The following HERC6 variants were observed in gnomAD, a reference collection of about 807,000 sequenced individuals.
HERC6 encodes the protein probable E3 ubiquitin-protein ligase HERC6.
Under a neutral mutation model 114.5 loss-of-function variants are expected in HERC6, and 101 were observed. The ratio of observed to expected loss-of-function variants is 0.88; its 90% CI spans 0.75 to 1.04. The LOEUF (loss-of-function observed/expected upper bound fraction) is 1.04. Among genes scored for constraint, HERC6 ranks in the 50% least tolerant of loss-of-function variants. The probability of loss-of-function intolerance (pLI) is 0.00; values close to 1 mark genes in which losing one functional copy is unlikely to be tolerated. For missense variants in HERC6, 1,133 were observed against 1,230.9 expected (o/e 0.92, Z 1.19); for synonymous variants, 408 against 436.2 (o/e 0.94, Z 0.81).
At chr4:88,395,972 T>C (rs1444039898) in intron 5 of HERC6, 43 bp from the exon 6 acceptor site, 2 of 1,534,070 alleles carry the variant, frequency 1.3e-6, no homozygotes, top group Non-Finnish European at 1.8e-6. Context: ...TTTAGTTACC[T>C]TGTTAAACCT....
Position 88,396,883 on chromosome 4 carries a change from G to A in HERC6, c.920G>A (p.Gly307Asp), listed in dbSNP as rs758933319. The A allele has an allele frequency of 3.7e-6, 6 of 1,605,094 alleles. No individual in the cohort carries two copies. Among genetic ancestry groups the A allele is most frequent in the Non-Finnish European group, 4.3e-6 (5 of 1,174,580 alleles). The change falls in exon 7 of 23, where the codon GGT becomes GAT. Residue 307 changes from glycine to aspartate, a missense_variant. Gly to Asp is a moderately conservative substitution (Grantham distance 94, BLOSUM62 -1). This residue lies in a region of HERC6 where 735 missense variants were observed against 754.0 expected (regional missense o/e 0.97). Coordinates refer to ENST00000264346, the MANE Select transcript of HERC6 (RefSeq NM_017912.4). ...ACCCTGGCATATGTGCACACCACTG[G>A]TCAGGTGGTATCTTTTGGTCATGGA... is the stretch of plus-strand genomic sequence containing the variant. ...YHTLAYVHTT[G>D]QVVSFGHGPS...
At chr4:88,437,413 A>G (rs1284528092) in intron 19 of HERC6, among the ~76,000 whole-genome samples, 2 of 152,068 alleles carry the variant, frequency 1.3e-5, no homozygotes, top group Non-Finnish European at 2.9e-5. Flanking sequence ...CTTTCCCCTT[A>G]TCTTCTTCTC....
Position 88,385,561 on chromosome 4 carries a change from TG to T in HERC6, c.424del (p.Ala142HisfsTer34), listed in dbSNP as rs1422212311. On this transcript the variant is annotated frameshift_variant, in exon 3 of 23. Transcript: ENST00000264346. LOFTEE classifies it high-confidence loss of function. ...GTTTCCTGTGGACACTACCACTCCC[TG>T]GCATTATCAAAAGGTAAGAAACACT... Reference protein sequence around the residue: ...IQVSCGHYHSLALSKDSQVFS... With the variant: ...IQVSCGHYHSXALSKDSQVFS... 2 of 1,499,370 alleles carry T rather than the reference TG, an allele frequency of 1.3e-6. No individual in the cohort carries two copies. Among genetic ancestry groups the T allele is most frequent in the Non-Finnish European group, 1.8e-6 (2 of 1,119,058 alleles). 92.9% of individuals were successfully genotyped at this position (1,499,370 alleles called of 1,614,324 possible).
chr4:88,393,094 A>T (rs1232756195), intron 4 of HERC6, among the ~76,000 whole-genome samples: 1 of 152,214 alleles, frequency 6.6e-6, no homozygotes, highest in African/African-American at 2.4e-5. Context: ...AGTATCAGGC[A>T]TGAGGGTCTT....
At chr4:88,383,863 TACA>T (rs550249536) in intron 2 of HERC6, among the ~76,000 whole-genome samples, 1 of 143,306 alleles carries the variant, frequency 7.0e-6, no homozygotes, top group Non-Finnish European at 1.5e-5. Context: ...GGAAAAAACC[TACA>T]ACACCAATTA....
chr4:88,438,822 G>A (rs539307735), intron 20 of HERC6, among the ~76,000 whole-genome samples: 5 of 152,298 alleles, frequency 3.3e-5, no homozygotes, highest in Admixed American at 2.6e-4. Context: ...CAGAGAGCTG[G>A]TTGTTAGATA....
At chr4:88,429,375 G>A (rs1446393109) in intron 16 of HERC6, among the ~76,000 whole-genome samples, 2 of 152,174 alleles carry the variant, frequency 1.3e-5, no homozygotes, top group Non-Finnish European at 2.9e-5. Flanking sequence ...ATCACAGAGG[G>A]GTGAAGAATT....
Position 88,431,194 on chromosome 4 carries a change from T to C in HERC6, c.2139T>C (p.Ser713=), listed in dbSNP as rs753540553. The change falls in exon 17 of 23, where the codon TCT becomes TCC. Residue 713 remains serine (S), a synonymous_variant. Transcript: ENST00000264346. ...TTATTAATGAAATTTGTCCTGAGTCTGGAGGGGTTAGTTCAGAGTTCTTCC... is the reference window on the plus strand; with the variant it reads ...TTATTAATGAAATTTGTCCTGAGTCCGGAGGGGTTAGTTCAGAGTTCTTCC... ...VEFINEICPE[S]GGVSSEFFHC... 6.2e-7 allele frequency: 1 copy of C among 1,612,948 alleles called. No homozygotes were observed. The highest frequency in any genetic ancestry group is 1.7e-5 in the Admixed American group (1 of 59,872).
In HERC6 at chr4:88,437,821, G is replaced by A. The variant is rs373609136; in HGVS notation, c.2555+40G>A. On this transcript the variant is annotated intron_variant, in intron 20 of 22. Transcript: ENST00000264346. ...CTAGAATATCTGTTTTGAATATACT[G>A]TACATAAAATGTTGTATCACTATTC... 6.0e-5 allele frequency: 77 copies of A among 1,279,822 alleles called. 1 individual carries two copies. The East Asian group carries it at 9.9e-4, about 17-fold the overall frequency. 79.3% of individuals were successfully genotyped at this position (1,279,822 alleles called of 1,614,324 possible).
In HERC6 at chr4:88,412,023, T is replaced by C. The variant is rs564287538; in HGVS notation, c.1369-1054T>C. Among the ~76,000 whole-genome samples, 4 of 152,328 alleles carry C rather than the reference T, an allele frequency of 2.6e-5. No individual in the cohort carries two copies. In the East Asian group the frequency reaches 7.7e-4, roughly 29 times the overall value. ...AAAAACGACTGGCAAGGTGAACATATGGCATTTTCTCTGCCATGGTAGATT... is the reference window on the plus strand; with the variant it reads ...AAAAACGACTGGCAAGGTGAACATACGGCATTTTCTCTGCCATGGTAGATT... On this transcript the variant is annotated intron_variant, in intron 11 of 22. Transcript: ENST00000264346.
chr4:88,387,873 ACTGACTTGC>A, intron 3 of HERC6, among the ~76,000 whole-genome samples: 2 of 152,322 alleles, frequency 1.3e-5, no homozygotes, highest in East Asian at 3.9e-4. Context: ...TCCTTGGGGC[ACTGACTTGC>A]CTTTGCATTG....
chr4:88,439,753 T>C, intron 20 of HERC6, 121 bp from the exon 21 acceptor site: 1 of 940,742 alleles, frequency 1.1e-6, no homozygotes, highest in Non-Finnish European at 1.5e-6. Context: ...TCTTGTGCTA[T>C]ATAGAAGTAA....
chr4:88,415,769 T>C (rs775330044), intron 12 of HERC6, among the ~76,000 whole-genome samples: 6 of 152,244 alleles, frequency 3.9e-5, no homozygotes, highest in Admixed American at 2.6e-4. Flanking sequence ...GATTTCCTGT[T>C]GCACAGTAAC....
At chr4:88,428,369 A>G (rs1737838994) in intron 15 of HERC6, among the ~76,000 whole-genome samples, 1 of 152,206 alleles carries the variant, frequency 6.6e-6, no homozygotes, top group Non-Finnish European at 1.5e-5. Context: ...CACAATTCCT[A>G]GGTAACCATA....
chr4:88,416,372 A>G (rs916847618), intron 12 of HERC6, among the ~76,000 whole-genome samples: 1 of 152,106 alleles, frequency 6.6e-6, no homozygotes. Context: ...GTTTTATTTT[A>G]GGAGCTTTTT....
Position 88,442,436 on chromosome 4 carries a change from C to CTG in HERC6, c.3046_3047insGT (p.Ser1016CysfsTer12). The CTG allele has an allele frequency of 6.2e-7, 1 of 1,613,688 alleles. No individual in the cohort carries two copies. On this transcript the variant is annotated frameshift_variant, in exon 23 of 23. Coordinates refer to ENST00000264346, the MANE Select transcript of HERC6 (RefSeq NM_017912.4). LOFTEE classifies it low-confidence loss of function (END_TRUNC). The stretch of plus-strand genomic sequence containing the variant: ...CCATCAACAACAACAGAGGATTTGT[C>CTG]TCACCCATGCTCACACAGTCATAAT...
In HERC6 at chr4:88,424,862, A is replaced by C. The variant is rs190876169; in HGVS notation, c.1935+160A>C. Among the ~76,000 whole-genome samples the C allele has an allele frequency of 3.9e-5, 6 of 152,162 alleles. 1 individual carries two copies. In the East Asian group the frequency reaches 1.2e-3, roughly 29 times the overall value. On this transcript the variant is annotated intron_variant, in intron 15 of 22. Coordinates refer to ENST00000264346, the MANE Select transcript of HERC6 (RefSeq NM_017912.4). ...TTGTTGTTGTTACTGTTTTTGCTGA[A>C]GTATTTTACAGCAAATTTCAGTTCC...
At chr4:88,397,216 G>A (rs1395969522) in intron 7 of HERC6, among the ~76,000 whole-genome samples, 3 of 151,720 alleles carry the variant, frequency 2.0e-5, no homozygotes, top group Admixed American at 6.6e-5. Flanking sequence ...GGGTTCAAGC[G>A]ATTCTCCTGC....
intron 4 of HERC6, among the ~76,000 whole-genome samples, chr4:88,391,192 C>T (rs566473902): frequency 2.5e-4 from 38 of 152,266 alleles, no homozygotes; most frequent in African/African-American, 8.7e-4. Context: ...AATCCATTTT[C>T]GTGCCTTCCC....
Sources: gnomAD v4.1 joint callset for allele counts (sites outside exome capture counted in the v4.1 genomes callset) on GRCh38, gnomAD v4.1.1 for gene constraint, gnomAD v4.1.1 regional missense constraint, MANE v1.5 for transcripts, NCBI Gene and HGNC (gene_info 2026-07-23, HGNC 2026-07-21) for gene names.